The following CBLB variants were observed in gnomAD, a reference collection of about 807,000 sequenced individuals.
CBLB encodes E3 ubiquitin-protein ligase CBL-B.
In CBLB, 31 loss-of-function variants were observed where a neutral mutation model predicts 104.9. That is an observed-to-expected ratio of 0.30 (90% CI 0.22 to 0.40). The LOEUF is 0.40. Ranked by LOEUF, CBLB falls within the 10% of genes least tolerant of loss-of-function variation. CBLB has a pLI of 1.00. For missense variants in CBLB, 1,062 were observed against 1,214.6 expected (o/e 0.87, Z 1.87); for synonymous variants, 440 against 422.6 (o/e 1.04, Z -0.51).
intron 9 of CBLB, among the ~76,000 whole-genome samples, chr3:105,728,836 T>C (rs922937777): frequency 1.3e-5 from 2 of 152,156 alleles, no homozygotes; most frequent in Non-Finnish European, 2.9e-5. Context: ...GCATGACTAA[T>C]GGGCCATTAT....
chr3:105,862,829 A>T (rs1202603215), intron 2 of CBLB, among the ~76,000 whole-genome samples: 1 of 151,870 alleles, frequency 6.6e-6, no homozygotes, highest in Non-Finnish European at 1.5e-5. Flanking sequence ...ATCTCACTGG[A>T]CTCCAACCCA....
rs778594956 is a variant in CBLB at position 105,703,971 on chromosome 3, T to C, written c.1593+17A>G. ...CTTACAAAATTTTCATCTGTGTTTC[T>C]AATAAAATTGATCTACCTTTGGTGA... On this transcript the variant is annotated intron_variant, in intron 11 of 18. Transcript: ENST00000394030. 244 of 1,608,844 alleles carry C rather than the reference T, an allele frequency of 1.5e-4. No homozygotes were observed. The highest frequency in any genetic ancestry group is 1.9e-4 in the Non-Finnish European group (228 of 1,175,290).
At chr3:105,741,374 T>C (rs1042899317) in intron 6 of CBLB, among the ~76,000 whole-genome samples, 16 of 149,834 alleles carry the variant, frequency 1.1e-4, no homozygotes, top group African/African-American at 3.7e-4. Flanking sequence ...ATTTTTGTTG[T>C]TGTTGTTATT....
intron 3 of CBLB, among the ~76,000 whole-genome samples, chr3:105,832,781 T>C (rs2087765008): frequency 6.6e-6 from 1 of 152,214 alleles, no homozygotes; most frequent in Non-Finnish European, 1.5e-5. Flanking sequence ...ATTCCTTCAA[T>C]CTGTATTGAG....
intron 3 of CBLB, among the ~76,000 whole-genome samples, chr3:105,782,287 T>C (rs1179392623): frequency 6.6e-6 from 1 of 152,176 alleles, no homozygotes; most frequent in Non-Finnish European, 1.5e-5. Flanking sequence ...CCCAAAGTCA[T>C]AAGAGAAGTC....
chr3:105,787,030 T>C (rs1027270534), intron 3 of CBLB, among the ~76,000 whole-genome samples: 2 of 152,224 alleles, frequency 1.3e-5, no homozygotes, highest in African/African-American at 4.8e-5. Flanking sequence ...TTTTAAAGCA[T>C]TGAGACTATG....
At chr3:105,815,675 G>A (rs2084946587) in intron 3 of CBLB, among the ~76,000 whole-genome samples, 1 of 152,152 alleles carries the variant, frequency 6.6e-6, no homozygotes, top group Non-Finnish European at 1.5e-5. Flanking sequence ...AATACCATTT[G>A]ACCCCATAAT....
At chr3:105,819,943 T>C (rs1320503870) in intron 3 of CBLB, among the ~76,000 whole-genome samples, 1 of 152,126 alleles carries the variant, frequency 6.6e-6, no homozygotes, top group East Asian at 1.9e-4. Flanking sequence ...GGGGATGGTT[T>C]CAGGATGATC....
intron 3 of CBLB, among the ~76,000 whole-genome samples, chr3:105,841,130 C>A (rs866984154): frequency 6.6e-6 from 1 of 151,636 alleles, no homozygotes; most frequent in Non-Finnish European, 1.5e-5. Context: ...CCTATCTCTA[C>A]AAAAATACAA....
chr3:105,866,005 C>G (rs1488768771), intron 2 of CBLB, among the ~76,000 whole-genome samples: 1 of 152,110 alleles, frequency 6.6e-6, no homozygotes, highest in African/African-American at 2.4e-5. Flanking sequence ...TCTAAAGTAT[C>G]CAATGCTAAA....
intron 3 of CBLB, among the ~76,000 whole-genome samples, chr3:105,821,686 G>C (rs904302860): frequency 2.0e-5 from 3 of 152,268 alleles, no homozygotes; most frequent in Admixed American, 2.0e-4. Flanking sequence ...GCTTTCTCAA[G>C]ATTGCCCGGG....
At chr3:105,801,910 G>A (rs2082920613) in intron 3 of CBLB, among the ~76,000 whole-genome samples, 1 of 152,234 alleles carries the variant, frequency 6.6e-6, no homozygotes, top group Non-Finnish European at 1.5e-5. Flanking sequence ...AAGATCCACA[G>A]GATGGTGGGG....
intron 3 of CBLB, among the ~76,000 whole-genome samples, chr3:105,795,093 T>G (rs2082112912): frequency 6.6e-6 from 1 of 152,098 alleles, no homozygotes; most frequent in Non-Finnish European, 1.5e-5. Context: ...TTTTGTATTT[T>G]AGTAGAGACA....
chr3:105,837,226 T>G (rs1341428584), intron 3 of CBLB, among the ~76,000 whole-genome samples: 1 of 152,220 alleles, frequency 6.6e-6, no homozygotes, highest in Non-Finnish European at 1.5e-5. Flanking sequence ...TCAAGAGTCC[T>G]GAATAATATA....
At chr3:105,859,247 C>T (rs1385234400) in intron 2 of CBLB, among the ~76,000 whole-genome samples, 2 of 152,136 alleles carry the variant, frequency 1.3e-5, no homozygotes, top group African/African-American at 4.8e-5. Context: ...AGGAATTGTG[C>T]CTATACTATA....
intron 3 of CBLB, among the ~76,000 whole-genome samples, chr3:105,798,923 G>A (rs375636214): frequency 4.5e-4 from 68 of 152,260 alleles, no homozygotes; most frequent in African/African-American, 1.6e-3. Flanking sequence ...CACAGAGAAA[G>A]ACAAAAGGTG....
At chr3:105,742,295 T>G (rs2075682943) in intron 6 of CBLB, among the ~76,000 whole-genome samples, 1 of 152,230 alleles carries the variant, frequency 6.6e-6, no homozygotes, top group East Asian at 1.9e-4. Context: ...AAATGTAACT[T>G]GAAAGATATA....
chr3:105,845,443 G>A (rs2090121500), intron 3 of CBLB, among the ~76,000 whole-genome samples: 1 of 148,414 alleles, frequency 6.7e-6, no homozygotes, highest in African/African-American at 2.5e-5. Context: ...TTACAAGTAA[G>A]CATTTTATTA....
chr3:105,663,428 T>G (rs2064029846), intron 18 of CBLB, among the ~76,000 whole-genome samples: 1 of 152,074 alleles, frequency 6.6e-6, no homozygotes, highest in South Asian at 2.1e-4. Context: ...TGATCACAGG[T>G]TCACATTATT....
Sources: gnomAD v4.1 joint callset for allele counts (sites outside exome capture counted in the v4.1 genomes callset) on GRCh38, gnomAD v4.1.1 for gene constraint, MANE v1.5 for transcripts, NCBI Gene and HGNC (gene_info 2026-07-23, HGNC 2026-07-21) for gene names.